Variants in MARCHF8 observed in about 807,000 individuals in gnomAD.
MARCHF8 encodes membrane associated ring-CH-type finger 8, also known as E3 ubiquitin-protein ligase MARCHF8.
In MARCHF8, 40 loss-of-function variants were observed where a neutral mutation model predicts 51.6. That is an observed-to-expected ratio of 0.77 (90% CI 0.60 to 1.01). The LOEUF (loss-of-function observed/expected upper bound fraction) is 1.01, where lower values mean the gene tolerates loss of function less well. MARCHF8 is among the 50% of genes least tolerant of loss of function. The pLI, the probability that MARCHF8 is intolerant of heterozygous loss-of-function variation, is 0.00. For synonymous variants in MARCHF8, 263 were observed against 280.3 expected (o/e 0.94, Z 0.62); for missense variants, 685 against 708.6 (o/e 0.97, Z 0.38).
chr10:45,545,544 G>T (rs917942708), intron 1 of MARCHF8, among the ~76,000 whole-genome samples: 1 of 152,066 alleles, frequency 6.6e-6, no homozygotes, highest in Admixed American at 6.5e-5. Context: ...AAATTGAAAT[G>T]GATTTCAAAT....
intron 1 of MARCHF8, among the ~76,000 whole-genome samples, chr10:45,553,921 C>A (rs941048219): frequency 5.3e-5 from 8 of 152,162 alleles, no homozygotes; most frequent in African/African-American, 1.7e-4. Flanking sequence ...ATGGATTTCT[C>A]TGATTCTGCC....
intron 2 of MARCHF8, among the ~76,000 whole-genome samples, chr10:45,521,995 G>C (rs1292471242): frequency 6.6e-6 from 1 of 151,944 alleles, no homozygotes; most frequent in Non-Finnish European, 1.5e-5. Context: ...CACCTTACAG[G>C]TATTTATGTT....
At chr10:45,502,206 C>T (rs1327784882) in intron 2 of MARCHF8, among the ~76,000 whole-genome samples, 1 of 152,158 alleles carries the variant, frequency 6.6e-6, no homozygotes, top group Non-Finnish European at 1.5e-5. Context: ...AAATGTCCTT[C>T]AACAGGTAAA....
At chr10:45,545,259 G>A (rs569795370) in intron 1 of MARCHF8, among the ~76,000 whole-genome samples, 1 of 152,086 alleles carries the variant, frequency 6.6e-6, no homozygotes, top group Non-Finnish European at 1.5e-5. Context: ...CTCTTTCTGT[G>A]GCCCAATGCC....
intron 1 of MARCHF8, among the ~76,000 whole-genome samples, chr10:45,581,376 G>C (rs2044553727): frequency 6.6e-6 from 1 of 152,152 alleles, no homozygotes; most frequent in Non-Finnish European, 1.5e-5. Flanking sequence ...GTACAATTCA[G>C]CAGGAACAAG....
chr10:45,564,238 C>CA lies in MARCHF8; in HGVS notation c.-79+29996dup, dbSNP rs549463672. The stretch of plus-strand genomic sequence containing the variant: ...CTGCAGTGAGCAGATTGTGCCACTG[C>CA]ACTCCAGCCTGGGCAACAGAGTGAG... On this transcript the variant is annotated intron_variant, in intron 1 of 6. Transcript: ENST00000319836. Among the ~76,000 whole-genome samples, 317 of 152,324 alleles carry CA rather than the reference C, an allele frequency of 2.1e-3. 1 individual carries two copies. The highest frequency in any genetic ancestry group is 7.2e-3 in the African/African-American group (299 of 41,574).
At chr10:45,576,974 G>GAAAAAAAAA (rs58593536) in intron 1 of MARCHF8, among the ~76,000 whole-genome samples, 5 of 120,402 alleles carry the variant, frequency 4.2e-5, no homozygotes, top group East Asian at 2.9e-4. Flanking sequence ...AAAGAGAAAA[G>GAAAAAAAAA]AAAAAAAAAA....
intron 3 of MARCHF8, among the ~76,000 whole-genome samples, chr10:45,475,765 C>G (rs1329911511): frequency 1.3e-5 from 2 of 152,066 alleles, no homozygotes; most frequent in African/African-American, 2.4e-5. Flanking sequence ...GGAGGTCCCC[C>G]AAAAATAACC....
At chr10:45,588,271 A>T (rs1472981718) in intron 1 of MARCHF8, among the ~76,000 whole-genome samples, 1 of 152,212 alleles carries the variant, frequency 6.6e-6, no homozygotes, top group African/African-American at 2.4e-5. Flanking sequence ...ACATTTCTTC[A>T]ACTGAAGAAC....
intron 1 of MARCHF8, among the ~76,000 whole-genome samples, chr10:45,593,858 T>C (rs1222023263): frequency 6.6e-6 from 1 of 152,200 alleles, no homozygotes; most frequent in Non-Finnish European, 1.5e-5. Flanking sequence ...AAGAATTCAT[T>C]TTCCAGATCC....
chr10:45,568,279 C>T (rs959230309), intron 1 of MARCHF8, among the ~76,000 whole-genome samples: 9 of 152,210 alleles, frequency 5.9e-5, no homozygotes, highest in Admixed American at 4.6e-4. Flanking sequence ...TCTTGTCTGA[C>T]TGCTCTAGCT....
intron 2 of MARCHF8, among the ~76,000 whole-genome samples, chr10:45,519,040 A>G (rs17157880): frequency 0.062 from 9,387 of 152,282 alleles, 332 homozygotes; most frequent in Non-Finnish European, 0.066. Flanking sequence ...AAGGGAGTCT[A>G]CACACACAAA....
At chr10:45,551,746 G>A (rs144783038) in intron 1 of MARCHF8, among the ~76,000 whole-genome samples, 88 of 152,036 alleles carry the variant, frequency 5.8e-4, no homozygotes, top group African/African-American at 1.9e-3. Context: ...TTTTGGACTT[G>A]TTAGTCTCCA....
intron 1 of MARCHF8, among the ~76,000 whole-genome samples, chr10:45,566,993 C>T (rs2044372097): frequency 6.6e-6 from 1 of 152,116 alleles, no homozygotes; most frequent in African/African-American, 2.4e-5. Flanking sequence ...GGTGAGATAT[C>T]TCATTGTAGT....
At chr10:45,540,704 A>C (rs1266684661) in intron 1 of MARCHF8, among the ~76,000 whole-genome samples, 2 of 152,184 alleles carry the variant, frequency 1.3e-5, no homozygotes, top group African/African-American at 4.8e-5. Context: ...TCTACAATGA[A>C]CTCAAACAAA....
At chr10:45,561,900 C>CAAAAAAAA (rs34329041) in intron 1 of MARCHF8, among the ~76,000 whole-genome samples, 1 of 41,528 alleles carries the variant, frequency 2.4e-5, no homozygotes, top group Non-Finnish European at 4.9e-5. Flanking sequence ...GACTCCGTCT[C>CAAAAAAAA]AAAAAAAAAA....
At chr10:45,482,708 T>C (rs538192252) in intron 3 of MARCHF8, among the ~76,000 whole-genome samples, 6 of 152,306 alleles carry the variant, frequency 3.9e-5, no homozygotes, top group East Asian at 3.9e-4. Flanking sequence ...TGAGCCTAGA[T>C]AGTGCCACTG....
At chr10:45,470,158 TA>T (rs1309059035) in intron 3 of MARCHF8, among the ~76,000 whole-genome samples, 1 of 152,186 alleles carries the variant, frequency 6.6e-6, no homozygotes, top group African/African-American at 2.4e-5. Flanking sequence ...GGCTTAAAAC[TA>T]CACAAATGTA....
chr10:45,537,999 C>T (rs1291683402), upstream of MARCHF8, among the ~76,000 whole-genome samples: 1 of 152,048 alleles, frequency 6.6e-6, no homozygotes, highest in Non-Finnish European at 1.5e-5. Flanking sequence ...ATCTAGATGA[C>T]ATGGAGATGG....
Sources: allele counts gnomAD v4.1 joint callset (sites outside exome capture counted in the v4.1 genomes callset), GRCh38; gene constraint gnomAD v4.1.1; transcripts MANE v1.5; gene names NCBI Gene and HGNC (gene_info 2026-07-23, HGNC 2026-07-21).